SMCHD1: variants seen among roughly 807,000 people sequenced by gnomAD.
The protein encoded by SMCHD1 is structural maintenance of chromosomes flexible hinge domain containing 1.
Under a neutral mutation model 254.7 loss-of-function variants are expected in SMCHD1, and 78 were observed. The ratio of observed to expected loss-of-function variants is 0.31; its 90% CI spans 0.26 to 0.37. SMCHD1 has a LOEUF of 0.37. Ranked by LOEUF, SMCHD1 falls within the 10% of genes least tolerant of loss-of-function variation. SMCHD1 has a pLI of 1.00. For missense variants in SMCHD1, 1,840 were observed against 2,408.1 expected, an observed-to-expected ratio of 0.76 and a Z score of 4.94; for synonymous variants, 766 against 794.9, an observed-to-expected ratio of 0.96 and a Z score of 0.61.
At chr18:2,703,158 T>C (rs2143208441) in intron 12 of SMCHD1, among the ~76,000 whole-genome samples, 1 of 152,352 alleles carries the variant, frequency 6.6e-6, no homozygotes, top group South Asian at 2.1e-4. Flanking sequence ...TCAACCTTTT[T>C]TCGTTATCAC....
At chr18:2,733,503 G>A (rs2075183048) in intron 25 of SMCHD1, among the ~76,000 whole-genome samples, 1 of 152,250 alleles carries the variant, frequency 6.6e-6, no homozygotes, top group Non-Finnish European at 1.5e-5. Context: ...TGTTTTAACA[G>A]TCTGTGGATG....
chr18:2,751,226 T>C (rs2075564794), intron 32 of SMCHD1, 52 bp from the exon 33 acceptor site: 3 of 949,524 alleles, frequency 3.2e-6, no homozygotes. Context: ...TATTTAACCA[T>C]ATCCATTAAT....
Position 2,803,239 on chromosome 18 carries a change from TCAG to T in SMCHD1, c.*693_*695del, listed in dbSNP as rs1268894639. The T allele has an allele frequency of 2.7e-5, 4 of 147,592 alleles. No individual in the cohort carries two copies. Among genetic ancestry groups the T allele is most frequent in the African/African-American group, 9.8e-5 (4 of 40,660 alleles). The allele number at this position is 147,592 out of a possible 1,614,324, so 9.1% of individuals were successfully genotyped here. A position where few individuals can be genotyped will look rare whatever the true frequency, so the allele number is the denominator to read the frequency against. On this transcript the variant is annotated 3_prime_UTR_variant, in exon 48 of 48. Transcript: ENST00000320876. ...ATATAAATATATATATATAAAATAT[TCAG>T]CAGCACCAAGTTTTATAACTATTGT...
chr18:2,754,355 A>G (rs974075261), intron 34 of SMCHD1, among the ~76,000 whole-genome samples: 5 of 152,212 alleles, frequency 3.3e-5, no homozygotes, highest in African/African-American at 1.2e-4. Context: ...GCTATGTTTT[A>G]TTGAAACAAA....
chr18:2,791,264 A>G (rs2143841022), intron 45 of SMCHD1, among the ~76,000 whole-genome samples: 1 of 152,324 alleles, frequency 6.6e-6, no homozygotes, highest in African/African-American at 2.4e-5. Context: ...TCTCACCAAG[A>G]TGGAATAACT....
chr18:2,714,861 C>T (rs1288243064), intron 17 of SMCHD1, among the ~76,000 whole-genome samples: 1 of 152,040 alleles, frequency 6.6e-6, no homozygotes, highest in Non-Finnish European at 1.5e-5. Flanking sequence ...GCCCCCTACC[C>T]CCAGCACTTT....
At chr18:2,703,099 A>G (rs1035238248) in intron 12 of SMCHD1, among the ~76,000 whole-genome samples, 1 of 152,362 alleles carries the variant, frequency 6.6e-6, no homozygotes, top group Non-Finnish European at 1.5e-5. Flanking sequence ...GGCTCTATAT[A>G]TAAAAGAGAA....
At chr18:2,757,582 T>C (rs924342924) in intron 34 of SMCHD1, among the ~76,000 whole-genome samples, 1 of 152,208 alleles carries the variant, frequency 6.6e-6, no homozygotes, top group Non-Finnish European at 1.5e-5. Context: ...AGATGTTTAC[T>C]GAATTGTGAA....
In SMCHD1 at chr18:2,656,099, G is replaced by A; in HGVS notation, c.24G>A (p.Gly8=). 7.1e-7 allele frequency: 1 copy of A among 1,414,668 alleles called. No individual in the cohort carries two copies. Among genetic ancestry groups the A allele is most frequent in the African/African-American group, 1.5e-5 (1 of 66,928 alleles). 87.6% of individuals were successfully genotyped at this position (1,414,668 alleles called of 1,614,324 possible). Residue 8 remains glycine (G), a synonymous_variant, in exon 1 of 48, where the codon GGG becomes GGA. Coordinates refer to ENST00000320876, the MANE Select transcript of SMCHD1 (RefSeq NM_015295.3). Reference sequence around the variant, plus strand: ...ATATGGCAGCGGCGGACGGCGGCGGGCCTGGTGGGGCCTCTGTGGGGACTG... The same window carrying A: ...ATATGGCAGCGGCGGACGGCGGCGGACCTGGTGGGGCCTCTGTGGGGACTG... MAAADGG[G]PGGASVGTEE...
At chr18:2,719,094 C>G (rs147209263) in intron 19 of SMCHD1, among the ~76,000 whole-genome samples, 1 of 151,130 alleles carries the variant, frequency 6.6e-6, no homozygotes, top group Non-Finnish European at 1.5e-5. Context: ...CTGTTTTTAT[C>G]TAGTATCATC....
At position 2,738,556 on chromosome 18, in the gene SMCHD1, T is replaced by G. The variant is rs1311604033; in HGVS notation, c.3425+11T>G. On this transcript the variant is annotated intron_variant, in intron 26 of 47. Coordinates refer to ENST00000320876, the MANE Select transcript of SMCHD1 (RefSeq NM_015295.3). ...TGCGTTTACAGTAAGGTTTGTGGAC[T>G]CATTATATTTTGCAGCCTATGGCAA... The G allele has an allele frequency of 6.3e-7, 1 of 1,594,250 alleles. No homozygotes were observed. Among genetic ancestry groups the G allele is most frequent in the Admixed American group, 1.8e-5 (1 of 56,558 alleles).
chr18:2,762,310 T>C (rs1319172003), intron 36 of SMCHD1, 74 bp downstream of exon 36: 8 of 1,419,512 alleles, frequency 5.6e-6, no homozygotes, highest in Non-Finnish European at 7.9e-6. Context: ...TACAAAATTA[T>C]TTGTATGGAT....
At chr18:2,688,846 C>G (rs773216879) in intron 7 of SMCHD1, 99 bp downstream of exon 7, 2 of 751,864 alleles carry the variant, frequency 2.7e-6, no homozygotes, top group Non-Finnish European at 2.0e-6. Flanking sequence ...AATGAGTTAC[C>G]CTTTCCTTTA....
In SMCHD1 at chr18:2,726,505, G is replaced by C. The variant is rs1257713803; in HGVS notation, c.2754G>C (p.Leu918Phe). ...LPGLKEDSQI[L>F]KIRLLPGHPR... ...GCTTAAAAGAAGACTCACAGATTTT[G>C]AAAATTAGATTACTACCTGGTAATA... Residue 918 changes from leucine (L) to phenylalanine (F), a missense_variant, in exon 22 of 48, where the codon TTG becomes TTC. By Grantham distance (22) the Leu-to-Phe change is conservative. Around this residue, in one of 9 missense-constraint regions of SMCHD1, gnomAD observed 881 missense variants for 1,009.5 expected, o/e 0.87. Coordinates refer to ENST00000320876, the MANE Select transcript of SMCHD1 (RefSeq NM_015295.3). The C allele has an allele frequency of 3.5e-6, 5 of 1,445,674 alleles. No homozygotes were observed. The South Asian group carries it at 6.7e-5, about 19-fold the overall frequency. 89.6% of individuals were successfully genotyped at this position (1,445,674 alleles called of 1,614,324 possible). A position where few individuals can be genotyped will look rare whatever the true frequency, so the allele number is the denominator to read the frequency against.
chr18:2,758,484 C>A (rs1468140872), intron 34 of SMCHD1, among the ~76,000 whole-genome samples: 1 of 152,106 alleles, frequency 6.6e-6, no homozygotes, highest in East Asian at 1.9e-4. Flanking sequence ...ATTTTTATTG[C>A]CTACAATCAG....
At chr18:2,708,890 AT>A (rs1568198444) in intron 17 of SMCHD1, among the ~76,000 whole-genome samples, 902 of 75,514 alleles carry the variant, frequency 0.012, 176 homozygotes, top group East Asian at 0.051. Flanking sequence ...ATATATATAT[AT>A]ATATATATAT....
chr18:2,780,782 GGT>G (rs756666772), intron 44 of SMCHD1, among the ~76,000 whole-genome samples: 14 of 152,170 alleles, frequency 9.2e-5, no homozygotes, highest in Non-Finnish European at 1.8e-4. Flanking sequence ...ATATGAATGT[GGT>G]GTTCAGGAGA....
chr18:2,751,150 G>A, intron 32 of SMCHD1, 128 bp from the exon 33 acceptor site: 1 of 568,244 alleles, frequency 1.8e-6, no homozygotes, highest in Non-Finnish European at 3.0e-6. Flanking sequence ...CATCAGAATT[G>A]TATTAACATT....
At chr18:2,674,261 AT>A in intron 5 of SMCHD1, 116 bp downstream of exon 5, 1 of 789,510 alleles carries the variant, frequency 1.3e-6, no homozygotes, top group Non-Finnish European at 1.9e-6. Flanking sequence ...TTATTCACAT[AT>A]TTATTTAGGT....
Sources: allele counts gnomAD v4.1 joint callset (sites outside exome capture counted in the v4.1 genomes callset), GRCh38; gene constraint gnomAD v4.1.1; regional missense constraint gnomAD v4.1.1; transcripts MANE v1.5; gene names NCBI Gene and HGNC (gene_info 2026-07-23, HGNC 2026-07-21).